The following CPA4 variants were observed in gnomAD, a reference collection of about 807,000 sequenced individuals.
CPA4 encodes carboxypeptidase A4.
In CPA4, 49 loss-of-function variants were observed where a neutral mutation model predicts 54.7. The observed-to-expected ratio is 0.90, with a 90% CI of 0.71 to 1.14. The LOEUF (loss-of-function observed/expected upper bound fraction) is 1.14, where lower values mean the gene tolerates loss of function less well. CPA4 is among the 50% of genes most tolerant of loss of function. CPA4 has a pLI of 0.00. For missense variants in CPA4, 487 were observed against 525.1 expected, an observed-to-expected ratio of 0.93 and a Z score of 0.71; for synonymous variants, 215 against 206.8, an observed-to-expected ratio of 1.04 and a Z score of -0.34.
At chr7:130,321,102 T>G (rs737344) in intron 10 of CPA4, among the ~76,000 whole-genome samples, 148,588 of 152,134 alleles carry the variant, frequency 0.98, 72,666 homozygotes, top group East Asian at 1. Flanking sequence ...GACTGAGGTG[T>G]GAGGATCACT....
At chr7:130,313,402 A>C (rs556187027) in intron 10 of CPA4, among the ~76,000 whole-genome samples, 7 of 152,278 alleles carry the variant, frequency 4.6e-5, no homozygotes, top group African/African-American at 1.7e-4. Flanking sequence ...GTTTTTCAGC[A>C]GTGTTTCTTA....
chr7:130,305,805 C>G lies in CPA4; in HGVS notation c.487-11C>G, dbSNP rs368402149. 2.7e-4 allele frequency: 438 copies of G among 1,611,156 alleles called. No individual in the cohort carries two copies. Among genetic ancestry groups the G allele is most frequent in the Non-Finnish European group, 3.5e-4 (411 of 1,177,432 alleles). Reference sequence around the variant, plus strand: ...AGGCGGTCATTTTCGAGCCTTTTCTCCCTTCTGCAGTTCAGCACTGGGAAA... The same window carrying G: ...AGGCGGTCATTTTCGAGCCTTTTCTGCCTTCTGCAGTTCAGCACTGGGAAA... On this transcript the variant is annotated splice_polypyrimidine_tract_variant and intron_variant, in intron 5 of 10. Coordinates refer to ENST00000222482, the MANE Select transcript of CPA4 (RefSeq NM_016352.4).
At chr7:130,305,997 GGGCAC>G in intron 6 of CPA4, 77 bp downstream of exon 6, 1 of 1,242,916 alleles carries the variant, frequency 8.0e-7, no homozygotes, top group Non-Finnish European at 1.2e-6. Context: ...GCTGGGCCTG[GGGCAC>G]GAGGTGGGAG....
At chr7:130,295,076 C>T (rs1002781811) in intron 1 of CPA4, among the ~76,000 whole-genome samples, 5 of 152,248 alleles carry the variant, frequency 3.3e-5, no homozygotes, top group African/African-American at 9.6e-5. Flanking sequence ...AGGCACCAGG[C>T]AGGCAGAGAA....
chr7:130,303,084 C>T (rs1320722045), intron 4 of CPA4, among the ~76,000 whole-genome samples: 4 of 152,166 alleles, frequency 2.6e-5, no homozygotes, highest in African/African-American at 7.2e-5. Flanking sequence ...ACCGTATTGA[C>T]GGCAAGTCTG....
At chr7:130,315,997 G>A (rs547542412) in intron 10 of CPA4, among the ~76,000 whole-genome samples, 7 of 152,164 alleles carry the variant, frequency 4.6e-5, no homozygotes, top group East Asian at 1.9e-4. Context: ...AATTTGGTTC[G>A]TATCAACCAG....
At chr7:130,308,805 C>T (rs189424807) in intron 8 of CPA4, among the ~76,000 whole-genome samples, 1 of 150,210 alleles carries the variant, frequency 6.7e-6, no homozygotes, top group Admixed American at 6.6e-5. Context: ...CCTGCTTCAG[C>T]CTTCCAAAGT....
At chr7:130,322,014 A>G (rs1289613817) in intron 10 of CPA4, among the ~76,000 whole-genome samples, 1 of 152,192 alleles carries the variant, frequency 6.6e-6, no homozygotes, top group Non-Finnish European at 1.5e-5. Flanking sequence ...AATCCAAGAG[A>G]CAGCAAGGCA....
chr7:130,298,662 G>A, intron 1 of CPA4, 84 bp from the exon 2 acceptor site: 3 of 817,606 alleles, frequency 3.7e-6, no homozygotes, highest in Admixed American at 3.8e-5. Context: ...GGTTACGTCT[G>A]GGATAGGAGG....
rs765583512 is a variant in CPA4, at chr7:130,306,787, A to G, written c.592A>G (p.Ile198Val). The change falls in exon 7 of 11, where the codon ATT (isoleucine) becomes GTT (valine). Residue 198 changes from isoleucine to valine, a missense_variant and splice_region_variant. Transcript: ENST00000222482. The stretch of plus-strand genomic sequence containing the variant: ...TGACAAGCATATTGTCTCTGCTTAG[A>G]TTGTATCTGATTACCAGAGGGATCC... ...QATAIWTARK[I>V]VSDYQRDPAI... The G allele has an allele frequency of 2.6e-6, 4 of 1,564,542 alleles. No individual in the cohort carries two copies. Among genetic ancestry groups the G allele is most frequent in the Non-Finnish European group, 3.5e-6 (4 of 1,135,092 alleles).
At chr7:130,297,127 C>G (rs1410248382) in intron 1 of CPA4, among the ~76,000 whole-genome samples, 1 of 151,896 alleles carries the variant, frequency 6.6e-6, no homozygotes, top group East Asian at 1.9e-4. Context: ...AATTGTTTTT[C>G]ATTTTTTTGT....
chr7:130,305,834 G>T lies in CPA4; in HGVS notation c.505G>T (p.Val169Leu). The T allele has an allele frequency of 6.2e-7, 1 of 1,614,192 alleles. No homozygotes were observed. The highest frequency in any genetic ancestry group is 8.5e-7 in the Non-Finnish European group (1 of 1,180,016). The change falls in exon 6 of 11, where the codon GTG becomes TTG. Residue 169 changes from valine (V) to leucine (L), a missense_variant. Physicochemically the swap from Val to Leu is conservative, Grantham distance 32. Coordinates refer to ENST00000222482, the MANE Select transcript of CPA4 (RefSeq NM_016352.4). ...TCTGCAGTTCAGCACTGGGAAAGGC[G>T]TGAGGCGGCCGGCCGTTTGGCTGAA... ...YVLKFSTGKG[V>L]RRPAVWLNAG...
chr7:130,312,600 G>A, intron 10 of CPA4, among the ~76,000 whole-genome samples: 1 of 152,188 alleles, frequency 6.6e-6, no homozygotes, highest in East Asian at 1.9e-4. Context: ...TAAATCTCAT[G>A]AGATCTGATG....
chr7:130,304,166 G>A (rs563319449), intron 4 of CPA4, among the ~76,000 whole-genome samples: 17 of 152,188 alleles, frequency 1.1e-4, no homozygotes, highest in African/African-American at 2.6e-4. Flanking sequence ...GTGCCTGGCC[G>A]CTTGTCTTTG....
chr7:130,317,943 A>T (rs894141948), intron 10 of CPA4, among the ~76,000 whole-genome samples: 3 of 150,630 alleles, frequency 2.0e-5, no homozygotes, highest in African/African-American at 7.4e-5. Context: ...TTCTCCATCC[A>T]CCCCCCGGGC....
At chr7:130,306,406 G>T (rs1793821927) in intron 6 of CPA4, 3 of 228,478 alleles carry the variant, frequency 1.3e-5, no homozygotes, top group Admixed American at 5.3e-5. Flanking sequence ...AAGAAAGTCT[G>T]CTGGGAGGGG....
In CPA4 at chr7:130,306,829, T is replaced by C; in HGVS notation, c.634T>C (p.Leu212=). 6.2e-7 allele frequency: 1 copy of C among 1,611,922 alleles called. No individual in the cohort carries two copies. The highest frequency in any genetic ancestry group is 8.5e-7 in the Non-Finnish European group (1 of 1,177,938). Residue 212 remains leucine, a synonymous_variant, in exon 7 of 11, where the codon TTG becomes CTG. Coordinates refer to ENST00000222482, the MANE Select transcript of CPA4 (RefSeq NM_016352.4). The part of the protein sequence containing the change: ...YQRDPAITSI[L]EKMDIFLLPV... The stretch of plus-strand genomic sequence containing the variant: ...GAGGGATCCAGCTATCACCTCCATC[T>C]TGGAGAAAATGGATATTTTCTTGTT...
At chr7:130,295,225 C>T (rs201454722) in intron 1 of CPA4, among the ~76,000 whole-genome samples, 1 of 152,216 alleles carries the variant, frequency 6.6e-6, no homozygotes, top group African/African-American at 2.4e-5. Flanking sequence ...GCACAAAGGA[C>T]GGGCCACTTG....
rs578138591 is a variant in CPA4 at position 130,304,487 on chromosome 7, G to A, written c.394G>A (p.Glu132Lys). 5 of 1,606,512 alleles carry A rather than the reference G, an allele frequency of 3.1e-6. No homozygotes were observed. The highest frequency in any genetic ancestry group is 1.7e-5 in the Admixed American group (1 of 60,014). ...CTCTTTCATGCTTCAGATTTACCACGAGATGGACAACATTGCCGCAGACTT... is the reference window on the plus strand; with the variant it reads ...CTCTTTCATGCTTCAGATTTACCACAAGATGGACAACATTGCCGCAGACTT... Reference protein sequence around the residue: ...AYHSLEAIYHEMDNIAADFPD... With the variant: ...AYHSLEAIYHKMDNIAADFPD... The change falls in exon 5 of 11, where the codon GAG (glutamate) becomes AAG (lysine). Residue 132 changes from glutamate (E) to lysine (K), a missense_variant. Glu to Lys is a moderately conservative substitution (Grantham distance 56, BLOSUM62 1). Coordinates refer to ENST00000222482, the MANE Select transcript of CPA4 (RefSeq NM_016352.4).
Sources: allele counts gnomAD v4.1 joint callset (sites outside exome capture counted in the v4.1 genomes callset), GRCh38; gene constraint gnomAD v4.1.1; transcripts MANE v1.5; gene names NCBI Gene and HGNC (gene_info 2026-07-23, HGNC 2026-07-21).